Variants in ZNF385D observed in about 807,000 individuals in gnomAD.
ZNF385D encodes the protein zinc finger protein 659.
Under a neutral mutation model 35.8 loss-of-function variants are expected in ZNF385D, and 15 were observed. The ratio of observed to expected loss-of-function variants is 0.42; its 90% confidence interval spans 0.28 to 0.64. The LOEUF (loss-of-function observed/expected upper bound fraction) is 0.64. ZNF385D is among the 30% of genes least tolerant of loss of function. ZNF385D has a pLI of 0.23. For missense variants in ZNF385D, 474 were observed against 494.6 expected (o/e 0.96, Z 0.39); for synonymous variants, 212 against 186.8 (o/e 1.13, Z -1.10).
chr3:22,010,322 G>T (rs538457951), intron 3 of ZNF385D, among the ~76,000 whole-genome samples: 1 of 152,084 alleles, frequency 6.6e-6, no homozygotes, highest in Non-Finnish European at 1.5e-5. Context: ...TACTGAAGTG[G>T]GGCAAATCAA....
At chr3:21,851,483 CCTTT>C (rs1398829573) in intron 3 of ZNF385D, among the ~76,000 whole-genome samples, 1 of 151,906 alleles carries the variant, frequency 6.6e-6, no homozygotes, top group Non-Finnish European at 1.5e-5. Context: ...GTTCACAGAA[CCTTT>C]ATTTAAAATA....
At chr3:22,164,900 G>A (rs1221626160) in intron 3 of ZNF385D, among the ~76,000 whole-genome samples, 2 of 152,216 alleles carry the variant, frequency 1.3e-5, no homozygotes, top group African/African-American at 2.4e-5. Context: ...ATTACTAAGT[G>A]AAAGAAGCCA....
chr3:21,960,336 T>A (rs189746189), intron 3 of ZNF385D, among the ~76,000 whole-genome samples: 3 of 151,442 alleles, frequency 2.0e-5, no homozygotes, highest in East Asian at 3.9e-4. Flanking sequence ...CAAAAAAAAA[T>A]GCTCAATACC....
At chr3:21,887,741 C>T (rs886962172) in intron 3 of ZNF385D, among the ~76,000 whole-genome samples, 2 of 152,058 alleles carry the variant, frequency 1.3e-5, no homozygotes, top group African/African-American at 4.8e-5. Flanking sequence ...AAGACTTACC[C>T]TAGGCTCTAG....
chr3:22,179,528 G>T (rs1458499584), intron 2 of ZNF385D, among the ~76,000 whole-genome samples: 1 of 152,206 alleles, frequency 6.6e-6, no homozygotes, highest in Non-Finnish European at 1.5e-5. Flanking sequence ...CATGTCATCT[G>T]CAAACAGGGA....
rs989618484 is a variant in ZNF385D, at chr3:22,313,255, C to T, written c.106+59195G>A. Reference sequence around the variant, plus strand: ...CACACACCAGGGACTGTTGTGCGGTCGGGGGAGGGGGGAGGGATAGCATTA... The same window carrying T: ...CACACACCAGGGACTGTTGTGCGGTTGGGGGAGGGGGGAGGGATAGCATTA... On this transcript the variant is annotated intron_variant, in intron 2 of 5. Coordinates refer to the ZNF385D transcript ENST00000494108. Among the ~76,000 whole-genome samples, 3 of 76,126 alleles carry T rather than the reference C, an allele frequency of 3.9e-5. No homozygotes were observed. In the Admixed American group the frequency reaches 5.4e-4, roughly 14 times the overall value. 49.9% of individuals were successfully genotyped at this position (76,126 alleles called of 152,430 possible).
intron 4 of ZNF385D, among the ~76,000 whole-genome samples, chr3:21,450,324 C>T (rs1214228100): frequency 6.6e-6 from 1 of 152,090 alleles, no homozygotes; most frequent in African/African-American, 2.4e-5. Flanking sequence ...CTCCTCTTTT[C>T]TTCAAATTGC....
intron 3 of ZNF385D, among the ~76,000 whole-genome samples, chr3:22,087,323 T>C (rs1472879509): frequency 2.0e-5 from 3 of 152,134 alleles, no homozygotes; most frequent in African/African-American, 4.8e-5. Flanking sequence ...TTTATTTATA[T>C]TTTTTTCTGA....
intron 3 of ZNF385D, among the ~76,000 whole-genome samples, chr3:21,843,506 G>A (rs148447128): frequency 4.9e-4 from 74 of 152,040 alleles, no homozygotes; most frequent in African/African-American, 1.3e-3. Flanking sequence ...GCACGTGAGA[G>A]GTAGACTCTG....
At position 21,806,771 on chromosome 3, in the gene ZNF385D, G is replaced by C. The variant is rs549266311; in HGVS notation, c.326-141743C>G. Among the ~76,000 whole-genome samples, 51 of 152,274 alleles carry C rather than the reference G, an allele frequency of 3.3e-4. 1 individual carries two copies. In the South Asian group the frequency reaches 9.9e-3, roughly 30 times the overall value. ...ACTACCCTAGTCAGAAAACTCACTT[G>C]TGGCTCCCGCTAAGAATACAAACTC... On this transcript the variant is annotated intron_variant, in intron 3 of 5. Coordinates refer to the ZNF385D transcript ENST00000494108.
intron 3 of ZNF385D, among the ~76,000 whole-genome samples, chr3:22,015,268 A>G (rs909866175): frequency 3.3e-5 from 5 of 152,198 alleles, no homozygotes; most frequent in African/African-American, 9.6e-5. Context: ...TAATTAGCAT[A>G]TAAATACTGA....
At chr3:22,206,898 C>A (rs1389951181) in intron 2 of ZNF385D, among the ~76,000 whole-genome samples, 1 of 151,174 alleles carries the variant, frequency 6.6e-6, no homozygotes, top group Non-Finnish European at 1.5e-5. Context: ...GTTAGTAGAA[C>A]AAAGAAATAA....
intron 2 of ZNF385D, among the ~76,000 whole-genome samples, chr3:22,235,355 C>T (rs2638123): frequency 0.86 from 130,790 of 152,036 alleles, 56,443 homozygotes; most frequent in East Asian, 0.97. Flanking sequence ...GTTTGTAATA[C>T]TGAAAGAAGG....
rs537500865 is a variant in ZNF385D at position 22,110,535 on chromosome 3, A to G, written c.325+58282T>C. On this transcript the variant is annotated intron_variant, in intron 3 of 5. Transcript: ENST00000494108. The stretch of plus-strand genomic sequence containing the variant: ...CCATCATTCTCAGCAAACTATCACA[A>G]GGACAAAAAACCAAACACCGCATGT... 1.8e-4 allele frequency among the ~76,000 whole-genome samples: 28 copies of G among 152,198 alleles called. No homozygotes were observed. In the South Asian group the frequency reaches 5.8e-3, roughly 32 times the overall value.
intron 4 of ZNF385D, among the ~76,000 whole-genome samples, chr3:21,462,203 C>A (rs1199155565): frequency 6.6e-6 from 1 of 152,072 alleles, no homozygotes; most frequent in East Asian, 1.9e-4. Flanking sequence ...ATTTTAATCT[C>A]TTTTCTATTT....
chr3:21,424,120 C>T, intron 6 of ZNF385D, 56 bp from the exon 7 acceptor site: 1 of 1,453,834 alleles, frequency 6.9e-7, no homozygotes, highest in Non-Finnish European at 9.3e-7. Context: ...AAAAACCTCT[C>T]ACAAATATTG....
chr3:22,175,092 A>G (rs12634884), intron 2 of ZNF385D, among the ~76,000 whole-genome samples: 21,447 of 105,632 alleles, frequency 0.2, 1,619 homozygotes, highest in East Asian at 0.28. Flanking sequence ...TCCATTTCAC[A>G]GAAGGGGAGT....
At chr3:21,888,959 TAA>T (rs1436988739) in intron 3 of ZNF385D, among the ~76,000 whole-genome samples, 5 of 152,160 alleles carry the variant, frequency 3.3e-5, no homozygotes, top group Non-Finnish European at 7.4e-5. Context: ...CTTACACCAA[TAA>T]AAGAGGCTGC....
rs187392085 is a variant in ZNF385D at position 21,632,247 on chromosome 3, A to G, written c.165+32639T>C. Among the ~76,000 whole-genome samples the G allele has an allele frequency of 4.3e-4, 65 of 152,232 alleles. 1 individual carries two copies. In the South Asian group the frequency reaches 6.4e-3, roughly 15 times the overall value. ...GGATACTAAATAAATTTGTAAAATAATGTTGGATTTTTGGTAAGCATCATA... is the reference window on the plus strand; with the variant it reads ...GGATACTAAATAAATTTGTAAAATAGTGTTGGATTTTTGGTAAGCATCATA... On this transcript the variant is annotated intron_variant, in intron 2 of 7. Coordinates refer to ENST00000281523, the MANE Select transcript of ZNF385D (RefSeq NM_024697.3).
Sources: allele counts gnomAD v4.1 joint callset (sites outside exome capture counted in the v4.1 genomes callset), GRCh38; gene constraint gnomAD v4.1.1; transcripts MANE v1.5; gene names NCBI Gene and HGNC (gene_info 2026-07-23, HGNC 2026-07-21).